EAF2: variants seen among roughly 807,000 people sequenced by gnomAD.
The protein encoded by EAF2 is ELL associated factor 2.
Under a neutral mutation model 29.4 loss-of-function variants are expected in EAF2, and 29 were observed. That is an observed-to-expected ratio of 0.99 (90% CI 0.73 to 1.35). EAF2 has a LOEUF of 1.35. Among genes scored for constraint, EAF2 ranks in the 40% most tolerant of loss-of-function variants. EAF2 has a pLI of 0.00. For missense variants in EAF2, 292 were observed against 312.0 expected, an observed-to-expected ratio of 0.94 and a Z score of 0.48; for synonymous variants, 103 against 102.5, an observed-to-expected ratio of 1.00 and a Z score of -0.03.
intron 2 of EAF2, among the ~76,000 whole-genome samples, chr3:121,849,352 G>A (rs1187153320): frequency 6.6e-6 from 1 of 152,126 alleles, no homozygotes; most frequent in Non-Finnish European, 1.5e-5. Flanking sequence ...AACACTGATA[G>A]TCTGGTTAAA....
At chr3:121,860,661 T>C (rs1708811456) in intron 4 of EAF2, among the ~76,000 whole-genome samples, 1 of 152,200 alleles carries the variant, frequency 6.6e-6, no homozygotes. Context: ...TTTTTGTGTC[T>C]CTATCTCCTT....
intron 5 of EAF2, among the ~76,000 whole-genome samples, chr3:121,882,923 C>T (rs1029322775): frequency 6.6e-5 from 10 of 151,890 alleles, no homozygotes; most frequent in South Asian, 4.1e-4. Context: ...CCAACACCCC[C>T]TTTTGTAACA....
chr3:121,845,440 CAAAAAAAAAAAA>C (rs747436052), intron 2 of EAF2, among the ~76,000 whole-genome samples: 1 of 59,968 alleles, frequency 1.7e-5, no homozygotes, highest in Non-Finnish European at 3.1e-5. Flanking sequence ...TCCTACATCT[CAAAAAAAAAAAA>C]AAAAAAAAAA....
intron 1 of EAF2, among the ~76,000 whole-genome samples, chr3:121,841,504 CAAAAAAAAAAAAAAAAAAAAAAA>C (rs57868658): frequency 7.7e-5 from 2 of 26,014 alleles, no homozygotes; most frequent in African/African-American, 1.7e-4. Flanking sequence ...GACCCTGTCT[CAAAAAAAAAAAAAAAAAAAAAAA>C]AAAAAAAAAA....
At chr3:121,840,503 A>G (rs1559815961) in intron 1 of EAF2, among the ~76,000 whole-genome samples, 5 of 76,288 alleles carry the variant, frequency 6.6e-5, no homozygotes, top group South Asian at 6.3e-4. Context: ...AAAAAAAAAA[A>G]AAAAAGAAAA....
At chr3:121,844,412 C>T in intron 1 of EAF2, 41 bp from the exon 2 acceptor site, 1 of 1,188,120 alleles carries the variant, frequency 8.4e-7, no homozygotes, top group Non-Finnish European at 1.2e-6. Context: ...ATCCAAATAT[C>T]ATTACATTTT....
chr3:121,855,340 G>A (rs1394453213), intron 3 of EAF2, among the ~76,000 whole-genome samples: 1 of 152,230 alleles, frequency 6.6e-6, no homozygotes, highest in East Asian at 1.9e-4. Flanking sequence ...ATATAAGGAT[G>A]TTTGCTCTAA....
intron 5 of EAF2, among the ~76,000 whole-genome samples, chr3:121,877,205 A>ATGTGTGTGTG (rs938477789): frequency 2.0e-5 from 3 of 151,556 alleles, no homozygotes; most frequent in Non-Finnish European, 4.4e-5. Flanking sequence ...TTCACTATGT[A>ATGTGTGTGTG]TGTGTGTGTG....
At position 121,879,510 on chromosome 3, in the gene EAF2, C is replaced by G. The variant is rs2178414; in HGVS notation, c.736+6722C>G. Among the ~76,000 whole-genome samples, 58 of 152,114 alleles carry G rather than the reference C, an allele frequency of 3.8e-4. No individual in the cohort carries two copies. The East Asian group carries it at 0.011, about 28-fold the overall frequency. On this transcript the variant is annotated intron_variant, in intron 5 of 5. Coordinates refer to ENST00000273668, the MANE Select transcript of EAF2 (RefSeq NM_018456.6). ...CCCCAATGTTTTCTTCTAGTAGTTT[C>G]ACAGTTTCAGGTCTTAGAATTGAGT...
chr3:121,844,647 G>T (rs77198814), intron 2 of EAF2, 100 bp downstream of exon 2: 80,299 of 758,106 alleles, frequency 0.11, 4,469 homozygotes, highest in South Asian at 0.15. Flanking sequence ...ATTGGTTAAA[G>T]TAATTAGTAA....
At chr3:121,843,507 T>C (rs1312785517) in intron 1 of EAF2, among the ~76,000 whole-genome samples, 2 of 152,156 alleles carry the variant, frequency 1.3e-5, no homozygotes, top group South Asian at 2.1e-4. Context: ...GTTACATGTG[T>C]CACTGTGTAA....
intron 5 of EAF2, among the ~76,000 whole-genome samples, chr3:121,875,426 T>C (rs1466202759): frequency 6.6e-6 from 1 of 151,990 alleles, no homozygotes; most frequent in Non-Finnish European, 1.5e-5. Context: ...CAAATGTGAT[T>C]ATGAAACCTG....
At chr3:121,885,368 A>G (rs994818875) in intron 5 of EAF2, among the ~76,000 whole-genome samples, 1 of 152,112 alleles carries the variant, frequency 6.6e-6, no homozygotes, top group Admixed American at 6.6e-5. Flanking sequence ...TAGACTTACA[A>G]CTTCTCTCTT....
In EAF2 at chr3:121,835,276, G is replaced by A; in HGVS notation, c.-10G>A. The A allele has an allele frequency of 1.2e-6, 2 of 1,613,836 alleles. No individual in the cohort carries two copies. The highest frequency in any genetic ancestry group is 1.7e-6 in the Non-Finnish European group (2 of 1,179,680). On this transcript the variant is annotated 5_prime_UTR_variant, in exon 1 of 6. Transcript: ENST00000273668. ...GGTGGCGGAGTTAAAGTCAAAGCAG[G>A]AGAGTAATTATGAATAGCGCAGCGG...
At chr3:121,847,332 T>C (rs1233286518) in intron 2 of EAF2, among the ~76,000 whole-genome samples, 1 of 152,114 alleles carries the variant, frequency 6.6e-6, no homozygotes, top group Non-Finnish European at 1.5e-5. Flanking sequence ...ACACTGAGTT[T>C]TGAAGATGAG....
chr3:121,851,240 C>T (rs898529244), intron 2 of EAF2, among the ~76,000 whole-genome samples: 2 of 152,074 alleles, frequency 1.3e-5, no homozygotes, highest in Admixed American at 1.3e-4. Context: ...TGCAGTGGCA[C>T]AATTATAGCC....
intron 2 of EAF2, among the ~76,000 whole-genome samples, chr3:121,848,226 G>A (rs1708564258): frequency 6.6e-6 from 1 of 152,168 alleles, no homozygotes; most frequent in South Asian, 2.1e-4. Context: ...TGTTCATTAG[G>A]TTGGCAGCAG....
chr3:121,873,108 T>C (rs1709045480), intron 5 of EAF2: 1 of 675,472 alleles, frequency 1.5e-6, no homozygotes, highest in East Asian at 2.7e-5. Flanking sequence ...AATTTCTCCC[T>C]AAATAACTTC....
At chr3:121,847,432 G>A (rs547251040) in intron 2 of EAF2, among the ~76,000 whole-genome samples, 1 of 152,178 alleles carries the variant, frequency 6.6e-6, no homozygotes, top group Non-Finnish European at 1.5e-5. Flanking sequence ...ACAAAAGAAA[G>A]TTTGTTAAAC....
Sources: gnomAD v4.1 joint callset for allele counts (sites outside exome capture counted in the v4.1 genomes callset) on GRCh38, gnomAD v4.1.1 for gene constraint, MANE v1.5 for transcripts, NCBI Gene and HGNC (gene_info 2026-07-23, HGNC 2026-07-21) for gene names.